The following LRP1B variants were observed in gnomAD, a reference collection of about 807,000 sequenced individuals.
LRP1B encodes the protein low-density lipoprotein receptor-related protein 1B.
A neutral mutation model predicts 556.6 loss-of-function variants in LRP1B; 217 were observed. That is an observed-to-expected ratio of 0.39 (90% CI 0.35 to 0.44). The LOEUF (loss-of-function observed/expected upper bound fraction) is 0.44, where lower values mean the gene tolerates loss of function less well. Among genes scored for constraint, LRP1B ranks in the 20% least tolerant of loss-of-function variants. The pLI, the probability that LRP1B is intolerant of heterozygous loss-of-function variation, is 1.00. For synonymous variants in LRP1B, 2,047 were observed against 1,865.8 expected, an observed-to-expected ratio of 1.10 and a Z score of -2.50; for missense variants, 5,053 against 5,620.8, an observed-to-expected ratio of 0.90 and a Z score of 3.23.
chr2:141,530,213 C>T (rs1684823454), intron 2 of LRP1B, among the ~76,000 whole-genome samples: 1 of 152,032 alleles, frequency 6.6e-6, no homozygotes, highest in Non-Finnish European at 1.5e-5. Context: ...TAGGTAATGC[C>T]TATAACTGTT....
chr2:140,916,963 A>T (rs993733234), intron 21 of LRP1B, among the ~76,000 whole-genome samples: 1 of 152,228 alleles, frequency 6.6e-6, no homozygotes, highest in African/African-American at 2.4e-5. Flanking sequence ...AATGACTTCC[A>T]AATCTGCAAG....
chr2:141,994,606 C>G (rs1257225806), intron 1 of LRP1B, among the ~76,000 whole-genome samples: 1 of 151,864 alleles, frequency 6.6e-6, no homozygotes, highest in Non-Finnish European at 1.5e-5. Context: ...ATGGTGAGTG[C>G]AAGAGACTAA....
chr2:141,118,341 C>T (rs190713977), intron 7 of LRP1B, among the ~76,000 whole-genome samples: 325 of 151,942 alleles, frequency 2.1e-3, no homozygotes, highest in African/African-American at 7.1e-3. Flanking sequence ...TGTAGATGCA[C>T]CTCCAAAAAA....
chr2:141,591,581 GGTGTGT>G (rs72043982), intron 2 of LRP1B, among the ~76,000 whole-genome samples: 17 of 148,224 alleles, frequency 1.1e-4, no homozygotes, highest in Admixed American at 3.4e-4. Flanking sequence ...ACTGCAGAGT[GGTGTGT>G]GTGTGTGTGT....
intron 2 of LRP1B, among the ~76,000 whole-genome samples, chr2:141,717,762 CT>C (rs1692661419): frequency 6.6e-6 from 1 of 152,204 alleles, no homozygotes; most frequent in Non-Finnish European, 1.5e-5. Flanking sequence ...TCTACTGCTG[CT>C]ATTGAGAATG....
intron 41 of LRP1B, among the ~76,000 whole-genome samples, chr2:140,657,775 C>T (rs1684945148): frequency 6.6e-6 from 1 of 151,342 alleles, no homozygotes. Flanking sequence ...ACTGTGATTA[C>T]ATTAAAAACA....
chr2:141,244,261 T>C (rs892463993), intron 5 of LRP1B, among the ~76,000 whole-genome samples: 3 of 152,218 alleles, frequency 2.0e-5, no homozygotes, highest in African/African-American at 7.2e-5. Context: ...TTCCATTGCA[T>C]CACTTTGGCT....
At chr2:141,881,860 A>C (rs1404408131) in intron 1 of LRP1B, among the ~76,000 whole-genome samples, 1 of 152,124 alleles carries the variant, frequency 6.6e-6, no homozygotes, top group Non-Finnish European at 1.5e-5. Context: ...GAATATCAAA[A>C]GGTTAATGTA....
intron 43 of LRP1B, among the ~76,000 whole-genome samples, chr2:140,571,580 C>T (rs1681322820): frequency 6.6e-6 from 1 of 151,570 alleles, no homozygotes; most frequent in South Asian, 2.1e-4. Context: ...ATGACACTAC[C>T]AAAAGTGATT....
intron 21 of LRP1B, 150 bp downstream of exon 21, chr2:140,922,815 C>T (rs1694778653): frequency 3.6e-6 from 2 of 558,318 alleles, no homozygotes; most frequent in Non-Finnish European, 6.1e-6. Context: ...GATAGTTCTC[C>T]CTAAATGTTA....
chr2:140,245,340 T>C (rs1681104434), intron 87 of LRP1B, among the ~76,000 whole-genome samples: 1 of 151,350 alleles, frequency 6.6e-6, no homozygotes, highest in Admixed American at 6.6e-5. Context: ...GCATTCCAGC[T>C]CCAAACCATT....
intron 41 of LRP1B, among the ~76,000 whole-genome samples, chr2:140,611,472 G>A (rs542601886): frequency 1.3e-4 from 20 of 152,050 alleles, no homozygotes; most frequent in Non-Finnish European, 2.2e-4. Context: ...AAGACTAAAA[G>A]TGATTTTTTT....
At chr2:141,761,765 A>T (rs1047402227) in intron 2 of LRP1B, among the ~76,000 whole-genome samples, 21 of 152,356 alleles carry the variant, frequency 1.4e-4, no homozygotes, top group African/African-American at 5.0e-4. Context: ...CTTCAAAAAG[A>T]TAAGATATCA....
chr2:140,861,085 C>T (rs1288497372), intron 27 of LRP1B, among the ~76,000 whole-genome samples: 2 of 152,016 alleles, frequency 1.3e-5, no homozygotes, highest in East Asian at 1.9e-4. Context: ...GTGCTTAGTA[C>T]TTGCCAGGTA....
At chr2:140,628,585 T>C (rs1030249156) in intron 41 of LRP1B, among the ~76,000 whole-genome samples, 1 of 150,300 alleles carries the variant, frequency 6.7e-6, no homozygotes, top group Non-Finnish European at 1.5e-5. Flanking sequence ...ACACTACAAA[T>C]GTGTAGATTT....
intron 62 of LRP1B, among the ~76,000 whole-genome samples, chr2:140,453,339 T>C (rs1573956591): frequency 1.3e-5 from 2 of 152,164 alleles, no homozygotes; most frequent in Middle Eastern, 6.8e-3. Flanking sequence ...TTAATCAATA[T>C]TTTATTCTCA....
intron 2 of LRP1B, among the ~76,000 whole-genome samples, chr2:141,590,517 A>G (rs1687298417): frequency 6.6e-6 from 1 of 152,146 alleles, no homozygotes; most frequent in Admixed American, 6.6e-5. Context: ...TGGGGATGTC[A>G]TTCTGAATTA....
chr2:140,817,520 G>A (rs987491432), intron 31 of LRP1B, among the ~76,000 whole-genome samples: 14 of 151,494 alleles, frequency 9.2e-5, no homozygotes, highest in Non-Finnish European at 1.9e-4. Context: ...CAGTTTAATT[G>A]TTACTGAGAC....
At position 141,229,447 on chromosome 2, in the gene LRP1B, T is replaced by G; in HGVS notation, c.593-7A>C. 1 of 1,525,214 alleles carries G rather than the reference T, an allele frequency of 6.6e-7. No homozygotes were observed. The highest frequency in any genetic ancestry group is 1.8e-4 in the Middle Eastern group (1 of 5,578). 94.5% of individuals were successfully genotyped at this position (1,525,214 alleles called of 1,614,324 possible). ...GGTGGTCTATCTGTAGGTTCTGGAA[T>G]AAAATAGAAAAAGAGAAGTAAATTC... On this transcript the variant is annotated splice_region_variant and splice_polypyrimidine_tract_variant and intron_variant, in intron 5 of 90. Transcript: ENST00000389484.
Sources: gnomAD v4.1 joint callset for allele counts (sites outside exome capture counted in the v4.1 genomes callset) on GRCh38, gnomAD v4.1.1 for gene constraint, MANE v1.5 for transcripts, NCBI Gene and HGNC (gene_info 2026-07-23, HGNC 2026-07-21) for gene names.